NET1: variants seen among roughly 807,000 people sequenced by gnomAD.
The protein encoded by NET1 is neuroepithelial cell transforming 1.
In NET1, 42 loss-of-function variants were observed where a neutral mutation model predicts 61.1. The ratio of observed to expected loss-of-function variants is 0.69; its 90% CI spans 0.54 to 0.89. NET1 has a LOEUF of 0.89. Ranked by LOEUF, NET1 falls within the 40% of genes least tolerant of loss-of-function variation. The pLI, the probability that NET1 is intolerant of heterozygous loss-of-function variation, is 0.00. For synonymous variants in NET1, 254 were observed against 281.8 expected, an observed-to-expected ratio of 0.90 and a Z score of 0.99; for missense variants, 654 against 747.3, an observed-to-expected ratio of 0.88 and a Z score of 1.46.
chr10:5,420,166 A>G lies in NET1; in HGVS notation c.129-6489A>G, dbSNP rs898391468. On this transcript the variant is annotated intron_variant, in intron 1 of 11. Transcript: ENST00000355029. The surrounding 1 kb of genome is among the most constrained non-coding windows in gnomAD (Gnocchi z 5.3). ...ATTATGTGTATTTGAAGGGAAATAT[A>G]GCAAATAAAACAAAATTTTAATGCA... 8.5e-5 allele frequency among the ~76,000 whole-genome samples: 13 copies of G among 152,224 alleles called. No individual in the cohort carries two copies. Among genetic ancestry groups the G allele is most frequent in the African/African-American group, 3.1e-4 (13 of 41,462 alleles).
At chr10:5,448,540 A>G (rs1832653031) in intron 3 of NET1, among the ~76,000 whole-genome samples, 1 of 152,152 alleles carries the variant, frequency 6.6e-6, no homozygotes, top group African/African-American at 2.4e-5. Flanking sequence ...ACATAAACTT[A>G]TGTTAGAGAG....
intron 1 of NET1, among the ~76,000 whole-genome samples, chr10:5,414,253 T>G (rs768439265): frequency 3.9e-5 from 6 of 152,164 alleles, no homozygotes; most frequent in African/African-American, 7.2e-5. Context: ...GAAGAGACCT[T>G]GTATGCCTTG....
In NET1 at chr10:5,449,411, A is replaced by G. The variant is rs1010800166; in HGVS notation, c.256-2419A>G. ...TCCTGAGTAAGCATCATACTTCCCA[A>G]GACATCCTAGATTTGATAAACTCTG... On this transcript the variant is annotated intron_variant, in intron 3 of 11. Coordinates refer to ENST00000355029, the MANE Select transcript of NET1 (RefSeq NM_001047160.3). This position sits in a 1 kb window ranked among gnomAD's most constrained non-coding sequence, Gnocchi z 4.4. Among the ~76,000 whole-genome samples the G allele has an allele frequency of 6.6e-6, 1 of 152,066 alleles. No homozygotes were observed. Among genetic ancestry groups the G allele is most frequent in the African/African-American group, 2.4e-5 (1 of 41,382 alleles).
In NET1 at chr10:5,422,650, T is replaced by C. The variant is rs1832195201; in HGVS notation, c.129-4005T>C. 6.6e-6 allele frequency among the ~76,000 whole-genome samples: 1 copy of C among 152,192 alleles called. No homozygotes were observed. The highest frequency in any genetic ancestry group is 2.4e-5 in the African/African-American group (1 of 41,438). On this transcript the variant is annotated intron_variant, in intron 1 of 11. Coordinates refer to ENST00000355029, the MANE Select transcript of NET1 (RefSeq NM_001047160.3). The surrounding 1 kb of genome is among the most constrained non-coding windows in gnomAD (Gnocchi z 4.1). ...GTGGTGTTTGCTGGTTTCTAGATGC[T>C]CAACTGTGTTCTAGACAAGATATTC...
Position 5,456,393 on chromosome 10 carries a change from A to G in NET1, c.1384+120A>G, listed in dbSNP as rs943596443. The G allele has an allele frequency of 2.2e-5, 25 of 1,136,248 alleles. No individual in the cohort carries two copies. Among genetic ancestry groups the G allele is most frequent in the Non-Finnish European group, 2.8e-5 (23 of 822,056 alleles). 70.4% of individuals were successfully genotyped at this position (1,136,248 alleles called of 1,614,324 possible). On this transcript the variant is annotated intron_variant, in intron 11 of 11. Coordinates refer to ENST00000355029, the MANE Select transcript of NET1 (RefSeq NM_001047160.3). The surrounding 1 kb of genome is among the most constrained non-coding windows in gnomAD (Gnocchi z 7.0). ...CCATTGTCCTATACTTGTTACATCC[A>G]TTGAGTTGTCCAGGCCTTCCCAGCT... is the stretch of plus-strand genomic sequence containing the variant.
At chr10:5,425,536 C>T (rs903062182) in intron 1 of NET1, among the ~76,000 whole-genome samples, 1 of 152,208 alleles carries the variant, frequency 6.6e-6, no homozygotes, top group Non-Finnish European at 1.5e-5. Context: ...ATTTTTGTCA[C>T]ACTTCCAATT....
In NET1 at chr10:5,417,994, G is replaced by A. The variant is rs543193917; in HGVS notation, c.128+5174G>A. Among the ~76,000 whole-genome samples the A allele has an allele frequency of 2.0e-5, 3 of 151,936 alleles. No homozygotes were observed. In the South Asian group the frequency reaches 6.2e-4, roughly 32 times the overall value. ...ATGTTAAACCAACTTTGCCTTCCTGGTATAAGTCCTGCTTGGTCATTGTGT... is the reference window on the plus strand; with the variant it reads ...ATGTTAAACCAACTTTGCCTTCCTGATATAAGTCCTGCTTGGTCATTGTGT... On this transcript the variant is annotated intron_variant, in intron 1 of 11. Transcript: ENST00000355029. This position sits in a 1 kb window ranked among gnomAD's most constrained non-coding sequence, Gnocchi z 5.5.
Position 5,429,288 on chromosome 10 carries a change from T to C in NET1, c.255+59T>C. The C allele has an allele frequency of 2.4e-6, 3 of 1,258,074 alleles. No individual in the cohort carries two copies. In the South Asian group the frequency reaches 4.1e-5, roughly 17 times the overall value. The allele number at this position is 1,258,074 out of a possible 1,614,324, so 77.9% of individuals were successfully genotyped here. On this transcript the variant is annotated intron_variant, in intron 3 of 11. Transcript: ENST00000355029. ...TAAAAATATGCAGATAGCATTTTATTTCTGTGCTGCAAGAATAACAAATGC... is the reference window on the plus strand; with the variant it reads ...TAAAAATATGCAGATAGCATTTTATCTCTGTGCTGCAAGAATAACAAATGC...
At chr10:5,430,443 C>T (rs1406473155) in intron 3 of NET1, among the ~76,000 whole-genome samples, 1 of 149,664 alleles carries the variant, frequency 6.7e-6, no homozygotes, top group African/African-American at 2.5e-5. Flanking sequence ...GGTGCGATCT[C>T]GGCCCCCTGC....
In NET1 at chr10:5,456,762, A is replaced by G. The variant is rs1307201123; in HGVS notation, c.1559A>G (p.Glu520Gly). 56 of 1,613,834 alleles carry G rather than the reference A, an allele frequency of 3.5e-5. No individual in the cohort carries two copies. The highest frequency in any genetic ancestry group is 4.7e-5 in the Non-Finnish European group (56 of 1,179,936). Residue 520 changes from glutamate (E) to glycine (G), a missense_variant, in exon 12 of 12, where the codon GAA (glutamate) becomes GGA (glycine). Coordinates refer to ENST00000355029, the MANE Select transcript of NET1 (RefSeq NM_001047160.3). The surrounding 1 kb of genome is among the most constrained non-coding windows in gnomAD (Gnocchi z 7.0). ...CTGCAGGGCCTGCCGGAGCTGCACG[A>G]AGAGTGTGAGGGGAACCACCCCTCT... ...PELQGLPELH[E>G]ECEGNHPSAR...
chr10:5,424,935 T>C lies in NET1; in HGVS notation c.129-1720T>C, dbSNP rs1394259170. On this transcript the variant is annotated intron_variant, in intron 1 of 11. Coordinates refer to ENST00000355029, the MANE Select transcript of NET1 (RefSeq NM_001047160.3). This position sits in a 1 kb window ranked among gnomAD's most constrained non-coding sequence, Gnocchi z 6.1. ...GAGCTGCCTCCCAACTGAGCAGTCT[T>C]GCCTTCTTACAATCTATTGTTCACG... is the stretch of plus-strand genomic sequence containing the variant. Among the ~76,000 whole-genome samples, 1 of 152,214 alleles carries C rather than the reference T, an allele frequency of 6.6e-6. No individual in the cohort carries two copies. Among genetic ancestry groups the C allele is most frequent in the Non-Finnish European group, 1.5e-5 (1 of 68,034 alleles).
In NET1 at chr10:5,452,758, T is replaced by C. The variant is rs558562340; in HGVS notation, c.532-100T>C. ...TTACAATTTTCAGACTGAGTTACTT[T>C]TTAAAATGCCGTTCAAAACATCAAA... On this transcript the variant is annotated intron_variant, in intron 5 of 11. Coordinates refer to ENST00000355029, the MANE Select transcript of NET1 (RefSeq NM_001047160.3). The surrounding 1 kb of genome is among the most constrained non-coding windows in gnomAD (Gnocchi z 4.0). 36 of 1,177,016 alleles carry C rather than the reference T, an allele frequency of 3.1e-5. No homozygotes were observed. Among genetic ancestry groups the C allele is most frequent in the Non-Finnish European group, 4.3e-5 (35 of 817,240 alleles). The allele number at this position is 1,177,016 out of a possible 1,614,324, so 72.9% of individuals were successfully genotyped here.
Position 5,423,512 on chromosome 10 carries a change from C to T in NET1, c.129-3143C>T, listed in dbSNP as rs149012813. Among the ~76,000 whole-genome samples the T allele has an allele frequency of 4.1e-4, 62 of 152,100 alleles. 1 individual carries two copies. Among genetic ancestry groups the T allele is most frequent in the African/African-American group, 1.4e-3 (59 of 41,526 alleles). On this transcript the variant is annotated intron_variant, in intron 1 of 11. Coordinates refer to ENST00000355029, the MANE Select transcript of NET1 (RefSeq NM_001047160.3). This position sits in a 1 kb window ranked among gnomAD's most constrained non-coding sequence, Gnocchi z 4.4. ...CAAGGAAAATCTACAGGAGTCAAATCGGGAACTTAATTTAATACACTAAGC... is the reference window on the plus strand; with the variant it reads ...CAAGGAAAATCTACAGGAGTCAAATTGGGAACTTAATTTAATACACTAAGC...
In NET1 at chr10:5,415,065, C is replaced by T. The variant is rs915126624; in HGVS notation, c.128+2245C>T. On this transcript the variant is annotated intron_variant, in intron 1 of 11. Transcript: ENST00000355029. This position sits in a 1 kb window ranked among gnomAD's most constrained non-coding sequence, Gnocchi z 4.7. ...AGATGTAAGATCATCTACAAGAATA[C>T]GTAAAATATTACAAGATAGTATTAA... Among the ~76,000 whole-genome samples, 5 of 152,036 alleles carry T rather than the reference C, an allele frequency of 3.3e-5. No homozygotes were observed. The highest frequency in any genetic ancestry group is 2.0e-4 in the Admixed American group (3 of 15,270).
chr10:5,436,244 A>ATT, intron 3 of NET1, among the ~76,000 whole-genome samples: 1 of 22,460 alleles, frequency 4.5e-5, no homozygotes, highest in Non-Finnish European at 9.4e-5. Flanking sequence ...ATATATATAT[A>ATT]TATATTTTTT....
In NET1 at chr10:5,456,253, C is replaced by T; in HGVS notation, c.1364C>T (p.Ala455Val). The change falls in exon 11 of 12, where the codon GCT (alanine) becomes GTT (valine). Residue 455 changes from alanine to valine, a missense_variant. Ala to Val is a moderately conservative substitution (Grantham distance 64). Transcript: ENST00000355029. This position sits in a 1 kb window ranked among gnomAD's most constrained non-coding sequence, Gnocchi z 7.0. ...DVRMGGSFRG[A>V]FSNSEKAKNI... ...AGAATGGGAGGCTCCTTTCGAGGAG[C>T]TTTCAGTAACTCAGAGAAAGGTAAA... 1 of 1,611,476 alleles carries T rather than the reference C, an allele frequency of 6.2e-7. No homozygotes were observed.
In NET1 at chr10:5,437,621, T is replaced by C. The variant is rs1832456760; in HGVS notation, c.255+8392T>C. On this transcript the variant is annotated intron_variant, in intron 3 of 11. Transcript: ENST00000355029. This position sits in a 1 kb window ranked among gnomAD's most constrained non-coding sequence, Gnocchi z 4.3. ...TTGATACTTTTCTATCGGTTTATGA[T>C]AATATTCATAACCGAGTACCCTTTT... is the stretch of plus-strand genomic sequence containing the variant. Among the ~76,000 whole-genome samples, 1 of 152,148 alleles carries C rather than the reference T, an allele frequency of 6.6e-6. No individual in the cohort carries two copies. Among genetic ancestry groups the C allele is most frequent in the Non-Finnish European group, 1.5e-5 (1 of 68,020 alleles).
At position 5,452,395 on chromosome 10, in the gene NET1, C is replaced by T. The variant is rs755279200; in HGVS notation, c.401C>T (p.Ser134Phe). 12 of 1,613,352 alleles carry T rather than the reference C, an allele frequency of 7.4e-6. No homozygotes were observed. In the East Asian group the frequency reaches 2.7e-4, roughly 36 times the overall value. Reference protein sequence around the residue: ...TLRGDHRSPASAQKFSSRSTV... With the variant: ...TLRGDHRSPAFAQKFSSRSTV... ...CGTGGTGACCACAGATCCCCAGCCT[C>T]TGCCCAGAAGTTTTCTAGCAGGTCA... The change falls in exon 5 of 12, where the codon TCT becomes TTT. Residue 134 changes from serine to phenylalanine, a missense_variant. Physicochemically the swap from Ser to Phe is radical, Grantham distance 155 (BLOSUM62 -2). Coordinates refer to ENST00000355029, the MANE Select transcript of NET1 (RefSeq NM_001047160.3). The surrounding 1 kb of genome is among the most constrained non-coding windows in gnomAD (Gnocchi z 4.0).
Position 5,451,432 on chromosome 10 carries a change from G to C in NET1, c.256-398G>C, listed in dbSNP as rs780438358. Reference sequence around the variant, plus strand: ...ATACCAGACACTGTGGAGGCCCCTCGATAGACACATGGGATCCATTATGCC... The same window carrying C: ...ATACCAGACACTGTGGAGGCCCCTCCATAGACACATGGGATCCATTATGCC... On this transcript the variant is annotated intron_variant, in intron 3 of 11. Transcript: ENST00000355029. The surrounding 1 kb of genome is among the most constrained non-coding windows in gnomAD (Gnocchi z 6.1). 9.3e-5 allele frequency among the ~76,000 whole-genome samples: 14 copies of C among 151,350 alleles called. No homozygotes were observed. The highest frequency in any genetic ancestry group is 5.3e-4 in the Admixed American group (8 of 15,206).
Sources: allele counts gnomAD v4.1 joint callset (sites outside exome capture counted in the v4.1 genomes callset), GRCh38; gene constraint gnomAD v4.1.1; non-coding constraint Gnocchi (gnomAD v3.1); transcripts MANE v1.5; gene names NCBI Gene and HGNC (gene_info 2026-07-23, HGNC 2026-07-21).